Variants in EIF3A observed in about 807,000 individuals in gnomAD.
EIF3A encodes the protein eukaryotic translation initiation factor 3 subunit A.
In EIF3A, 21 loss-of-function variants were observed where a neutral mutation model predicts 186.6. The ratio of observed to expected loss-of-function variants is 0.11; its 90% CI spans 0.08 to 0.16. The LOEUF is 0.16. Ranked by LOEUF, EIF3A falls within the 10% of genes least tolerant of loss-of-function variation. The pLI, the probability that EIF3A is intolerant of heterozygous loss-of-function variation, is 1.00. For missense variants in EIF3A, 1,306 were observed against 1,796.3 expected (o/e 0.73, Z 4.93); for synonymous variants, 563 against 584.3 (o/e 0.96, Z 0.52).
In EIF3A at chr10:119,059,115, T is replaced by C. The variant is rs1373212195; in HGVS notation, c.1629+97A>G. 13 of 901,652 alleles carry C rather than the reference T, an allele frequency of 1.4e-5. No homozygotes were observed. In the East Asian group the frequency reaches 3.2e-4, roughly 22 times the overall value. The allele number at this position is 901,652 out of a possible 1,614,324, so 55.9% of individuals were successfully genotyped here. On this transcript the variant is annotated intron_variant, in intron 11 of 21. Transcript: ENST00000369144. ...TAGGAAACATATCATAAATCCCTTC[T>C]CTCAGATATTGTCTCAAACCTTTTT...
Position 119,037,224 on chromosome 10 carries a change from CATCCCT to C in EIF3A, c.3808_3813del (p.Arg1270_Asp1271del), listed in dbSNP as rs1323250642. ...CGGTCATCCCTCTCACGGCGACGGT[CATCCCT>C]ATCCCTATCGTCCCGGCGACTTGAG... On this transcript the variant is annotated inframe_deletion, in exon 21 of 22. Transcript: ENST00000369144. 1 of 1,614,130 alleles carries C rather than the reference CATCCCT, an allele frequency of 6.2e-7. No homozygotes were observed. The highest frequency in any genetic ancestry group is 1.1e-5 in the South Asian group (1 of 91,080).
At chr10:119,067,414 AC>A (rs1843998588) in intron 6 of EIF3A, among the ~76,000 whole-genome samples, 1 of 151,954 alleles carries the variant, frequency 6.6e-6, no homozygotes. Flanking sequence ...ACATAACGAG[AC>A]CCTGCCTCCA....
chr10:119,048,381 A>C (rs1451534181), intron 17 of EIF3A, among the ~76,000 whole-genome samples: 1 of 152,192 alleles, frequency 6.6e-6, no homozygotes, highest in African/African-American at 2.4e-5. Context: ...AGCTGTGACA[A>C]AGCAGATACC....
rs71016533 is a variant in EIF3A at position 119,066,505 on chromosome 10, C to CAAA, written c.951-938_951-936dup. Among the ~76,000 whole-genome samples, 17 of 47,498 alleles carry CAAA rather than the reference C, an allele frequency of 3.6e-4. 2 individuals are homozygous for CAAA. Among genetic ancestry groups the CAAA allele is most frequent in the African/African-American group, 1.6e-3 (16 of 9,944 alleles). The allele number at this position is 47,498 out of a possible 152,430, so 31.2% of individuals were successfully genotyped here. ...GCCTGGGGGGCAGAGTTAAGACTGT[C>CAAA]AAAAAAAAAAAAAAAAAAAAAAAAA... is the stretch of plus-strand genomic sequence containing the variant. On this transcript the variant is annotated intron_variant, in intron 6 of 21. Transcript: ENST00000369144.
rs1343901895 is a variant in EIF3A at position 119,042,665 on chromosome 10, G to C, written c.2855C>G (p.Pro952Arg). Residue 952 changes from proline (P) to arginine (R), a missense_variant, in exon 19 of 22, where the codon CCA (proline) becomes CGA (arginine). By Grantham distance (103) the Pro-to-Arg change is moderately radical. Around this residue, in one of 8 missense-constraint regions of EIF3A, gnomAD observed 410 missense variants for 473.5 expected, o/e 0.87. Transcript: ENST00000369144. The surrounding 1 kb of genome is among the most constrained non-coding windows in gnomAD (Gnocchi z 7.8). ...DDEDREPSLR[P>R]DDDRVPRRGM... is the part of the protein sequence containing the mutation. ...ACGCCGGGGAACCCGATCATCGTCT[G>C]GTCTAAGAGAGGGCTCTCTATCTTC... The C allele has an allele frequency of 6.2e-7, 1 of 1,614,168 alleles. No homozygotes were observed. The highest frequency in any genetic ancestry group is 8.5e-7 in the Non-Finnish European group (1 of 1,180,046).
chr10:119,043,544 G>A (rs897641899), intron 18 of EIF3A, among the ~76,000 whole-genome samples: 1 of 152,136 alleles, frequency 6.6e-6, no homozygotes, highest in South Asian at 2.1e-4. Flanking sequence ...AGCCCAGGGA[G>A]GTTGAGGCTG....
At chr10:119,045,738 A>G (rs758836629) in intron 17 of EIF3A, among the ~76,000 whole-genome samples, 5 of 152,104 alleles carry the variant, frequency 3.3e-5, no homozygotes, top group Admixed American at 6.5e-5. Context: ...TCATTTTTGT[A>G]TTTTTTGTGG....
chr10:119,057,275 T>C (rs1375798852), intron 12 of EIF3A, among the ~76,000 whole-genome samples: 1 of 152,196 alleles, frequency 6.6e-6, no homozygotes, highest in Non-Finnish European at 1.5e-5. Context: ...CTCTACTAAA[T>C]AGGGTAAGCA....
chr10:119,077,191 G>A (rs1041861034), intron 1 of EIF3A, among the ~76,000 whole-genome samples: 3 of 152,100 alleles, frequency 2.0e-5, no homozygotes, highest in Non-Finnish European at 4.4e-5. Context: ...TTAGCCAGGC[G>A]CGGTGGCTCA....
At chr10:119,075,651 C>CATATATACAT (rs1554873586) in intron 1 of EIF3A, among the ~76,000 whole-genome samples, 1 of 97,064 alleles carries the variant, frequency 1.0e-5, no homozygotes, top group African/African-American at 3.9e-5. Context: ...TATATATATA[C>CATATATACAT]ATATATATAT....
chr10:119,059,732 A>G lies in EIF3A; in HGVS notation c.1327-14T>C, dbSNP rs1413447827. 2 of 1,553,654 alleles carry G rather than the reference A, an allele frequency of 1.3e-6. No homozygotes were observed. Among genetic ancestry groups the G allele is most frequent in the South Asian group, 1.1e-5 (1 of 89,782 alleles). ...AATCTGTGACACCTGCATAGAAAAC[A>G]AAGGGTTAATAACACTAGCCACTGT... On this transcript the variant is annotated splice_polypyrimidine_tract_variant and intron_variant, in intron 9 of 21. Coordinates refer to ENST00000369144, the MANE Select transcript of EIF3A (RefSeq NM_003750.4).
chr10:119,039,276 G>A (rs1249861936), intron 19 of EIF3A, among the ~76,000 whole-genome samples: 1 of 152,116 alleles, frequency 6.6e-6, no homozygotes, highest in Non-Finnish European at 1.5e-5. Context: ...ACTTATGCAT[G>A]GAATATATGA....
intron 6 of EIF3A, 75 bp from the exon 7 acceptor site, chr10:119,065,645 T>A (rs903021692): frequency 2.2e-5 from 24 of 1,099,150 alleles, no homozygotes; most frequent in African/African-American, 3.1e-5. Flanking sequence ...TTCTCTTTAA[T>A]CTTACGGTAA....
intron 14 of EIF3A, among the ~76,000 whole-genome samples, chr10:119,053,983 C>T (rs7070981): frequency 6.6e-6 from 1 of 152,190 alleles, no homozygotes; most frequent in Non-Finnish European, 1.5e-5. Context: ...TGCAGTGGCG[C>T]AATCTCAGCT....
At chr10:119,070,542 T>A (rs780912830) in intron 5 of EIF3A, among the ~76,000 whole-genome samples, 1 of 136,234 alleles carries the variant, frequency 7.3e-6, no homozygotes, top group Non-Finnish European at 1.6e-5. Flanking sequence ...ACTTTGCATA[T>A]GCTTTTCTAC....
intron 5 of EIF3A, 132 bp downstream of exon 5, chr10:119,070,754 C>T: frequency 1.5e-6 from 1 of 666,386 alleles, no homozygotes; most frequent in South Asian, 1.9e-5. Flanking sequence ...TTTCCCAGTC[C>T]ATTAGGCAAC....
In EIF3A at chr10:119,049,709, T is replaced by G. The variant is rs557857670; in HGVS notation, c.2658+92A>C. The G allele has an allele frequency of 4.3e-6, 5 of 1,159,990 alleles. No homozygotes were observed. The African/African-American group carries it at 6.2e-5, about 14-fold the overall frequency. The allele number at this position is 1,159,990 out of a possible 1,614,324, so 71.9% of individuals were successfully genotyped here. A position where few individuals can be genotyped will look rare whatever the true frequency, so the allele number is the denominator to read the frequency against. On this transcript the variant is annotated intron_variant, in intron 17 of 21. Coordinates refer to ENST00000369144, the MANE Select transcript of EIF3A (RefSeq NM_003750.4). ...GAGATTGCACCACTGTACTCCAGCC[T>G]GGGCAACCTGGGCGACAGAGCAAGA...
At position 119,044,161 on chromosome 10, in the gene EIF3A, AAAG is replaced by A; in HGVS notation, c.2659-22_2659-20del. On this transcript the variant is annotated intron_variant, in intron 17 of 21. Transcript: ENST00000369144. ...GAGAGTCCTCCATTGACAAAGTGAAAAAGAAGCATTACATTGGTAACCATTTAC... is the reference window on the plus strand; with the variant it reads ...GAGAGTCCTCCATTGACAAAGTGAAAAAGCATTACATTGGTAACCATTTAC... 6.5e-7 allele frequency: 1 copy of A among 1,538,934 alleles called. No homozygotes were observed. The highest frequency in any genetic ancestry group is 2.2e-5 in the East Asian group (1 of 44,524).
intron 18 of EIF3A, among the ~76,000 whole-genome samples, chr10:119,043,025 T>C (rs1848234696): frequency 1.3e-5 from 2 of 151,956 alleles, no homozygotes; most frequent in Non-Finnish European, 2.9e-5. Flanking sequence ...CGCTCACACC[T>C]GTAATCCCAG....
Sources: gnomAD v4.1 joint callset for allele counts (sites outside exome capture counted in the v4.1 genomes callset) on GRCh38, gnomAD v4.1.1 for gene constraint, gnomAD v4.1.1 regional missense constraint, Gnocchi (gnomAD v3.1) non-coding constraint, MANE v1.5 for transcripts, NCBI Gene and HGNC (gene_info 2026-07-23, HGNC 2026-07-21) for gene names.